Variants in TENM1 observed in about 807,000 individuals in gnomAD.
TENM1 encodes the protein teneurin transmembrane protein 1.
TENM1 carries 35 observed loss-of-function variants against 174.8 expected under a neutral mutation model. The ratio of observed to expected loss-of-function variants is 0.20; its 90% confidence interval spans 0.15 to 0.27. The LOEUF (loss-of-function observed/expected upper bound fraction) is 0.27. Ranked by LOEUF, TENM1 falls within the 10% of genes least tolerant of loss-of-function variation. The probability of loss-of-function intolerance (pLI) is 1.00; values close to 1 mark genes in which losing one functional copy is unlikely to be tolerated. For missense variants in TENM1, 1,633 were observed against 2,130.1 expected (o/e 0.77, Z 4.59); for synonymous variants, 781 against 798.7 (o/e 0.98, Z 0.37).
chrX:124,792,476 T>G (rs2055201839), intron 3 of TENM1, among the ~76,000 whole-genome samples: 1 of 112,365 alleles, frequency 8.9e-6, no homozygotes, highest in Admixed American at 9.4e-5. Context: ...CATCTACCTA[T>G]AATTCCAAGG....
At chrX:124,667,947 G>A (rs950115436) in intron 6 of TENM1, among the ~76,000 whole-genome samples, 10 of 110,828 alleles carry the variant, frequency 9.0e-5, no homozygotes, top group African/African-American at 2.6e-4. Context: ...GCCATTCATC[G>A]CCATTCTAAC....
intron 5 of TENM1, among the ~76,000 whole-genome samples, chrX:124,689,010 A>G (rs2052448410): frequency 8.9e-6 from 1 of 112,094 alleles, no homozygotes; most frequent in Non-Finnish European, 1.9e-5. Flanking sequence ...TACCTTAAAT[A>G]TACACAATTT....
chrX:124,840,742 T>G (rs1190351516), intron 3 of TENM1, among the ~76,000 whole-genome samples: 2 of 112,138 alleles, frequency 1.8e-5, no homozygotes, highest in East Asian at 2.8e-4. Context: ...AAATATGTGC[T>G]AATCAGTACT....
At chrX:124,843,991 A>T (rs1242120230) in intron 3 of TENM1, among the ~76,000 whole-genome samples, 1 of 111,726 alleles carries the variant, frequency 9.0e-6, no homozygotes, top group Non-Finnish European at 1.9e-5. Context: ...TGAAATCAAG[A>T]ACTTCATCTA....
At chrX:124,827,721 C>A (rs1336528812) in intron 3 of TENM1, among the ~76,000 whole-genome samples, 1 of 111,692 alleles carries the variant, frequency 9.0e-6, no homozygotes, top group East Asian at 2.8e-4. Flanking sequence ...AAGTGTCAAT[C>A]GGATAAGCAG....
intron 6 of TENM1, among the ~76,000 whole-genome samples, chrX:124,671,474 T>C (rs2051919371): frequency 9.0e-6 from 1 of 111,690 alleles, no homozygotes; most frequent in African/African-American, 3.3e-5. Flanking sequence ...GCCAACATAT[T>C]TGAAAACTTT....
In TENM1 at chrX:124,410,663, A is replaced by G. The variant is rs191409110; in HGVS notation, c.4983-4174T>C. Among the ~76,000 whole-genome samples the G allele has an allele frequency of 1.1e-3, 120 of 112,313 alleles. 2 individuals carry two copies. Among genetic ancestry groups the G allele is most frequent in the African/African-American group, 3.6e-3 (110 of 30,926 alleles). ...TATCCAGAATCTACAACGAACCCCA[A>G]CAAATTTACAAGAAAAAAACAACCC... On this transcript the variant is annotated intron_variant, in intron 25 of 31. Coordinates refer to ENST00000422452, the Ensembl canonical transcript of TENM1.
chrX:124,386,072 G>A lies in TENM1; in HGVS notation c.5689-8C>T. The A allele has an allele frequency of 2.5e-6, 3 of 1,181,436 alleles. No individual in the cohort carries two copies. Among genetic ancestry groups the A allele is most frequent in the Non-Finnish European group, 1.1e-6 (1 of 881,844 alleles). The stretch of plus-strand genomic sequence containing the variant: ...TAGGAGAAGCATCACAGACTGAAAC[G>A]AGACAAAGGCAGAATAGCATATTAT... On this transcript the variant is annotated splice_region_variant and splice_polypyrimidine_tract_variant and intron_variant, in intron 28 of 31. Coordinates refer to ENST00000422452, the Ensembl canonical transcript of TENM1.
chrX:125,039,089 G>A, the TENM1 span, among the ~76,000 whole-genome samples: 2 of 111,417 alleles, frequency 1.8e-5, no homozygotes, highest in Admixed American at 1.9e-4. Flanking sequence ...TTCCCAATGA[G>A]CTAATTTATC....
At chrX:124,522,982 C>T (rs1013782525) in intron 17 of TENM1, among the ~76,000 whole-genome samples, 3 of 112,110 alleles carry the variant, frequency 2.7e-5, no homozygotes, top group African/African-American at 9.7e-5. Context: ...GCCGCCACGC[C>T]CAGCTCAAAA....
the TENM1 span, among the ~76,000 whole-genome samples, chrX:125,029,773 A>G: frequency 9.0e-6 from 1 of 111,603 alleles, no homozygotes; most frequent in Non-Finnish European, 1.9e-5. Flanking sequence ...GCGGTTGTGT[A>G]TATAGCTGTA....
chrX:124,803,023 T>A (rs1050943636), intron 3 of TENM1, among the ~76,000 whole-genome samples: 5 of 112,068 alleles, frequency 4.5e-5, no homozygotes, highest in Non-Finnish European at 7.5e-5. Flanking sequence ...AGTTTTTAAC[T>A]CTTTCTTATA....
intron 17 of TENM1, 127 bp from the exon 21 acceptor site, chrX:124,520,911 G>T (rs994070971): frequency 8.3e-6 from 5 of 602,283 alleles, no homozygotes; most frequent in Non-Finnish European, 1.2e-5. Context: ...GTCTAAGGAC[G>T]TCAAGGCATT....
chrX:124,803,063 A>T (rs2055498462), intron 3 of TENM1, among the ~76,000 whole-genome samples: 2 of 112,065 alleles, frequency 1.8e-5, no homozygotes, highest in South Asian at 7.5e-4. Context: ...ACTGTAAACA[A>T]ATTTTAAAAT....
intron 14 of TENM1, among the ~76,000 whole-genome samples, chrX:124,550,761 AT>A (rs59121201): frequency 2.3e-3 from 235 of 101,267 alleles, no homozygotes; most frequent in Admixed American, 2.8e-3. Context: ...CTTTGGCTCT[AT>A]TTTTTTTTTT....
chrX:125,025,635 G>A, the TENM1 span, among the ~76,000 whole-genome samples: 18 of 110,969 alleles, frequency 1.6e-4, no homozygotes, highest in African/African-American at 5.9e-4. Flanking sequence ...ACAAAGTCCT[G>A]ATGTTGGGCC....
intron 1 of TENM1, among the ~76,000 whole-genome samples, chrX:124,949,062 A>T (rs1003174088): frequency 9.0e-6 from 1 of 111,255 alleles, no homozygotes; most frequent in African/African-American, 3.3e-5. Context: ...TGGAGATAGG[A>T]TTCTCCCTTA....
chrX:124,657,438 C>T (rs1423945720), intron 6 of TENM1, among the ~76,000 whole-genome samples: 1 of 110,504 alleles, frequency 9.0e-6, no homozygotes, highest in Non-Finnish European at 1.9e-5. Context: ...GGTCAAGATA[C>T]TTGGAAGGTG....
At chrX:124,986,050 T>C in the TENM1 span, among the ~76,000 whole-genome samples, 12 of 111,864 alleles carry the variant, frequency 1.1e-4, no homozygotes, top group Admixed American at 2.9e-4. Flanking sequence ...AGGAGAGGTG[T>C]TCACTATTAT....
Sources: allele counts gnomAD v4.1 joint callset (sites outside exome capture counted in the v4.1 genomes callset), GRCh38; gene constraint gnomAD v4.1.1; transcripts MANE v1.5; gene names NCBI Gene and HGNC (gene_info 2026-07-23, HGNC 2026-07-21).